EYS: variants seen among roughly 807,000 people sequenced by gnomAD.
EYS encodes the protein EGF-like photoreceptor maintenance factor, also known as protein eyes shut homolog.
A neutral mutation model predicts 282.1 loss-of-function variants in EYS; 250 were observed. The ratio of observed to expected loss-of-function variants is 0.89; its 90% CI spans 0.80 to 0.98. The LOEUF is 0.98. EYS is among the 50% of genes least tolerant of loss of function. EYS has a pLI of 0.00. For missense variants in EYS, 4,016 were observed against 3,709.0 expected, an observed-to-expected ratio of 1.08 and a Z score of -2.15; for synonymous variants, 1,355 against 1,282.9, an observed-to-expected ratio of 1.06 and a Z score of -1.20.
rs74805135 is a variant in EYS at position 64,938,431 on chromosome 6, C to T, written c.2381+7362G>A. Among the ~76,000 whole-genome samples, 9 of 151,584 alleles carry T rather than the reference C, an allele frequency of 5.9e-5. No homozygotes were observed. In the East Asian group the frequency reaches 1.7e-3, roughly 29 times the overall value. On this transcript the variant is annotated intron_variant, in intron 15 of 42. Transcript: ENST00000503581. ...AATTAGTAGTTATTGTTGTTAATCT[C>T]TTAATGTGCCTAACTTATATTTAAA... is the stretch of plus-strand genomic sequence containing the variant.
At chr6:65,059,971 TC>T (rs1213486981) in intron 12 of EYS, among the ~76,000 whole-genome samples, 1 of 152,068 alleles carries the variant, frequency 6.6e-6, no homozygotes, top group Non-Finnish European at 1.5e-5. Context: ...CCTGTCCCTC[TC>T]TAGGTTACTA....
intron 5 of EYS, among the ~76,000 whole-genome samples, chr6:65,462,327 AG>A (rs1764853067): frequency 6.6e-6 from 1 of 152,004 alleles, no homozygotes; most frequent in African/African-American, 2.4e-5. Context: ...GTGGCTGCAC[AG>A]GGATAGTGTG....
chr6:64,202,768 G>T (rs1395119695), intron 31 of EYS, among the ~76,000 whole-genome samples: 1 of 152,160 alleles, frequency 6.6e-6, no homozygotes, highest in Non-Finnish European at 1.5e-5. Flanking sequence ...AAAGAGAAGG[G>T]GAAAGGATAT....
chr6:65,155,890 A>G (rs1387313076), intron 12 of EYS, among the ~76,000 whole-genome samples: 2 of 151,512 alleles, frequency 1.3e-5, no homozygotes, highest in African/African-American at 4.8e-5. Context: ...CAGATTATAA[A>G]GATCCTTGCA....
chr6:63,900,337 C>T (rs548296327), intron 35 of EYS, among the ~76,000 whole-genome samples: 1 of 152,102 alleles, frequency 6.6e-6, no homozygotes, highest in Non-Finnish European at 1.5e-5. Context: ...TTTATAATAA[C>T]CCTCATTATC....
At chr6:64,246,953 CT>C (rs1767044320) in intron 30 of EYS, among the ~76,000 whole-genome samples, 1 of 151,936 alleles carries the variant, frequency 6.6e-6, no homozygotes. Flanking sequence ...TACTTAATGG[CT>C]TCATTTTGAT....
intron 35 of EYS, among the ~76,000 whole-genome samples, chr6:63,981,034 G>A (rs562006587): frequency 5.9e-4 from 89 of 151,938 alleles, no homozygotes; most frequent in African/African-American, 2.0e-3. Context: ...ACACTGCTCC[G>A]TGTATGCCAA....
intron 26 of EYS, among the ~76,000 whole-genome samples, chr6:64,583,893 CATA>C (rs1314849100): frequency 2.0e-5 from 3 of 151,834 alleles, no homozygotes; most frequent in African/African-American, 4.8e-5. Context: ...TTAACATAAA[CATA>C]ATAATTTCAT....
chr6:64,320,018 G>A (rs1183284921), intron 29 of EYS, among the ~76,000 whole-genome samples: 1 of 151,690 alleles, frequency 6.6e-6, no homozygotes. Flanking sequence ...GTTATTTTTT[G>A]GCCTAAAAAT....
chr6:64,353,911 C>T (rs565950022), intron 29 of EYS, among the ~76,000 whole-genome samples: 2 of 151,578 alleles, frequency 1.3e-5, no homozygotes, highest in South Asian at 4.1e-4. Flanking sequence ...CTGGGGCTGC[C>T]AGAAAATATG....
intron 22 of EYS, among the ~76,000 whole-genome samples, chr6:64,708,264 A>G (rs1771098313): frequency 6.6e-6 from 1 of 152,210 alleles, no homozygotes; most frequent in Non-Finnish European, 1.5e-5. Flanking sequence ...TGCATTTAGC[A>G]GTACTGCGTA....
rs1490548993 is a variant in EYS at position 64,445,510 on chromosome 6, C to T, written c.5645-6158G>A. On this transcript the variant is annotated intron_variant, in intron 26 of 42. Transcript: ENST00000503581. ...GTACAAATAACCAGAAATTCTAATT[C>T]CAAATAGTTTCAGCAATAAAGAAAT... Among the ~76,000 whole-genome samples the T allele has an allele frequency of 2.0e-5, 3 of 151,822 alleles. No individual in the cohort carries two copies. In the East Asian group the frequency reaches 5.8e-4, roughly 29 times the overall value.
chr6:65,593,669 T>C (rs1305478019), intron 2 of EYS, among the ~76,000 whole-genome samples: 1 of 151,940 alleles, frequency 6.6e-6, no homozygotes, highest in African/African-American at 2.4e-5. Context: ...TTCTACTTAC[T>C]CTCCCATAGC....
intron 12 of EYS, among the ~76,000 whole-genome samples, chr6:65,201,570 T>C (rs1017753303): frequency 2.6e-5 from 4 of 152,196 alleles, no homozygotes; most frequent in African/African-American, 9.6e-5. Context: ...TGCTAATGTA[T>C]AACTAATTAT....
chr6:64,090,225 A>G (rs1204317693), intron 31 of EYS, among the ~76,000 whole-genome samples: 1 of 152,114 alleles, frequency 6.6e-6, no homozygotes, highest in Non-Finnish European at 1.5e-5. Context: ...AATCTTTTCT[A>G]CTTTAGAAAT....
At chr6:65,511,723 CA>C (rs947821188) in intron 2 of EYS, among the ~76,000 whole-genome samples, 4 of 151,970 alleles carry the variant, frequency 2.6e-5, no homozygotes, top group African/African-American at 9.7e-5. Context: ...TAGACTGAGA[CA>C]GGGGGCTCAC....
At chr6:64,527,870 G>A (rs1726373571) in intron 26 of EYS, among the ~76,000 whole-genome samples, 1 of 151,692 alleles carries the variant, frequency 6.6e-6, no homozygotes, top group Non-Finnish European at 1.5e-5. Context: ...GGGAAAAAGA[G>A]AAATCACAGG....
intron 31 of EYS, among the ~76,000 whole-genome samples, chr6:64,163,694 A>G (rs115192270): frequency 0.019 from 2,923 of 152,260 alleles, 82 homozygotes; most frequent in African/African-American, 0.066. Context: ...TACTTAAGGC[A>G]AATCTTTCTG....
chr6:65,516,941 T>C (rs1035255940), intron 2 of EYS, among the ~76,000 whole-genome samples: 1 of 152,034 alleles, frequency 6.6e-6, no homozygotes, highest in African/African-American at 2.4e-5. Flanking sequence ...CACACACTTT[T>C]CAACTATGAC....
Sources: gnomAD v4.1 joint callset for allele counts (sites outside exome capture counted in the v4.1 genomes callset) on GRCh38, gnomAD v4.1.1 for gene constraint, MANE v1.5 for transcripts, NCBI Gene and HGNC (gene_info 2026-07-23, HGNC 2026-07-21) for gene names.